Variants in DLG2 observed in about 807,000 individuals in gnomAD.
DLG2 encodes the protein disks large homolog 2.
In DLG2, 45 loss-of-function variants were observed where a neutral mutation model predicts 132.5. That is an observed-to-expected ratio of 0.34 (90% CI 0.27 to 0.44). The LOEUF (loss-of-function observed/expected upper bound fraction) is 0.44. Among genes scored for constraint, DLG2 ranks in the 20% least tolerant of loss-of-function variants. DLG2 has a pLI of 1.00. For synonymous variants in DLG2, 424 were observed against 419.6 expected (o/e 1.01, Z -0.13); for missense variants, 1,045 against 1,196.9 (o/e 0.87, Z 1.87).
At chr11:85,392,059 C>T (rs1164267399) in intron 3 of DLG2, among the ~76,000 whole-genome samples, 1 of 152,086 alleles carries the variant, frequency 6.6e-6, no homozygotes, top group Non-Finnish European at 1.5e-5. Flanking sequence ...CTCCAGGAAG[C>T]TCCTAGAACT....
chr11:85,464,095 C>T (rs1053334981), intron 3 of DLG2, among the ~76,000 whole-genome samples: 4 of 150,564 alleles, frequency 2.7e-5, no homozygotes, highest in African/African-American at 9.8e-5. Flanking sequence ...ATATCATTTG[C>T]CAGATATACA....
intron 7 of DLG2, among the ~76,000 whole-genome samples, chr11:84,423,460 T>G (rs2098957055): frequency 6.6e-6 from 1 of 152,160 alleles, no homozygotes. Flanking sequence ...TTTTATCATC[T>G]AAGATGGACT....
At chr11:84,116,914 T>C (rs527911255) in intron 9 of DLG2, among the ~76,000 whole-genome samples, 1 of 152,332 alleles carries the variant, frequency 6.6e-6, no homozygotes, top group South Asian at 2.1e-4. Context: ...CACTTTGTTA[T>C]TATGTTGCAC....
At chr11:84,938,178 C>T (rs74579964) in intron 6 of DLG2, among the ~76,000 whole-genome samples, 15,719 of 152,150 alleles carry the variant, frequency 0.1, 1,006 homozygotes, top group Non-Finnish European at 0.11. Context: ...GCTCATCTCA[C>T]CCAGAACTAA....
At chr11:84,688,294 C>G (rs1326620825) in intron 6 of DLG2, among the ~76,000 whole-genome samples, 2 of 152,192 alleles carry the variant, frequency 1.3e-5, no homozygotes, top group African/African-American at 4.8e-5. Context: ...GGTCTCACCA[C>G]TGCCCACAAC....
At chr11:84,080,427 C>G (rs1421250451) in intron 10 of DLG2, among the ~76,000 whole-genome samples, 1 of 152,142 alleles carries the variant, frequency 6.6e-6, no homozygotes, top group African/African-American at 2.4e-5. Context: ...TGATGCTGCA[C>G]TCTGAATGCT....
chr11:85,361,616 G>C (rs1596524978), intron 3 of DLG2, among the ~76,000 whole-genome samples: 1 of 152,164 alleles, frequency 6.6e-6, no homozygotes, highest in East Asian at 1.9e-4. Context: ...TTCCATCCTT[G>C]TTGCTGCAAA....
intron 6 of DLG2, among the ~76,000 whole-genome samples, chr11:84,839,856 C>G (rs980704604): frequency 6.6e-6 from 1 of 152,092 alleles, no homozygotes; most frequent in African/African-American, 2.4e-5. Context: ...AGATTAAATA[C>G]TTAAATGTTA....
At chr11:84,227,806 C>G (rs140109686) in intron 8 of DLG2, among the ~76,000 whole-genome samples, 1 of 151,128 alleles carries the variant, frequency 6.6e-6, no homozygotes, top group African/African-American at 2.4e-5. Context: ...CCCAGCTGCT[C>G]AGGAGGCTGA....
chr11:83,837,268 T>C (rs1317186334), intron 16 of DLG2, among the ~76,000 whole-genome samples: 1 of 152,066 alleles, frequency 6.6e-6, no homozygotes, highest in African/African-American at 2.4e-5. Flanking sequence ...TAACGCCACC[T>C]CATTTCAGCC....
intron 19 of DLG2, among the ~76,000 whole-genome samples, chr11:83,614,320 G>A (rs917252955): frequency 3.3e-5 from 5 of 152,222 alleles, no homozygotes; most frequent in African/African-American, 1.2e-4. Context: ...TTGAGGTCGA[G>A]TATGTGAAAT....
At chr11:83,985,124 A>G (rs1260537297) in intron 11 of DLG2, among the ~76,000 whole-genome samples, 1 of 152,068 alleles carries the variant, frequency 6.6e-6, no homozygotes, top group East Asian at 1.9e-4. Flanking sequence ...CAATAAGACC[A>G]AACACAAATT....
rs1427905245 is a variant in DLG2 at position 84,488,191 on chromosome 11, C to T, written c.519+46379G>A. ...CAGTTTAGTTTTTAGAATTAGAAAA[C>T]AACCTGTTGAAAGTCAAAGAGAAGA... On this transcript the variant is annotated intron_variant, in intron 7 of 27. Transcript: ENST00000376104. Among the ~76,000 whole-genome samples the T allele has an allele frequency of 2.6e-5, 4 of 152,014 alleles. No homozygotes were observed. The East Asian group carries it at 7.8e-4, about 29-fold the overall frequency.
chr11:84,043,692 T>C (rs948908461), intron 11 of DLG2, among the ~76,000 whole-genome samples: 1 of 151,804 alleles, frequency 6.6e-6, no homozygotes, highest in African/African-American at 2.4e-5. Context: ...TTTTTCTCTC[T>C]TCTTTTTTTA....
intron 7 of DLG2, among the ~76,000 whole-genome samples, chr11:84,377,357 T>A (rs2098733491): frequency 6.6e-6 from 1 of 151,960 alleles, no homozygotes; most frequent in African/African-American, 2.4e-5. Flanking sequence ...ACCACCACCA[T>A]GAAAGGCAAA....
At chr11:84,189,236 C>A (rs1237660522) in intron 8 of DLG2, among the ~76,000 whole-genome samples, 1 of 152,164 alleles carries the variant, frequency 6.6e-6, no homozygotes, top group African/African-American at 2.4e-5. Context: ...AGCTCAACAT[C>A]ACTGATCATT....
At chr11:84,176,379 C>T (rs1393664913) in intron 8 of DLG2, among the ~76,000 whole-genome samples, 1 of 148,020 alleles carries the variant, frequency 6.8e-6, no homozygotes. Context: ...AAGCATATTT[C>T]ATATATAACA....
chr11:85,432,695 T>A (rs1478325720), intron 3 of DLG2, among the ~76,000 whole-genome samples: 2 of 151,948 alleles, frequency 1.3e-5, no homozygotes, highest in Admixed American at 6.6e-5. Flanking sequence ...CTACAACTGA[T>A]TAGAGTACCT....
intron 15 of DLG2, among the ~76,000 whole-genome samples, chr11:83,882,505 G>A (rs1203595443): frequency 6.6e-6 from 1 of 152,112 alleles, no homozygotes; most frequent in African/African-American, 2.4e-5. Flanking sequence ...CTCAAAATGT[G>A]CTTTTACTTT....
Sources: gnomAD v4.1 joint callset for allele counts (sites outside exome capture counted in the v4.1 genomes callset) on GRCh38, gnomAD v4.1.1 for gene constraint, MANE v1.5 for transcripts, NCBI Gene and HGNC (gene_info 2026-07-23, HGNC 2026-07-21) for gene names.